The following AHRR variants were observed in gnomAD, a reference collection of about 807,000 sequenced individuals.
AHRR encodes ahR repressor.
Under a neutral mutation model 44.0 loss-of-function variants are expected in AHRR, and 28 were observed. That is an observed-to-expected ratio of 0.64 (90% CI 0.47 to 0.87). The LOEUF (loss-of-function observed/expected upper bound fraction) is 0.87. AHRR is among the 40% of genes least tolerant of loss of function. AHRR has a pLI of 0.00. For synonymous variants in AHRR, 434 were observed against 407.0 expected (o/e 1.07, Z -0.80); for missense variants, 990 against 953.9 (o/e 1.04, Z -0.50).
chr5:361,126 G>A (rs184531752), intron 3 of AHRR, among the ~76,000 whole-genome samples: 1 of 152,340 alleles, frequency 6.6e-6, no homozygotes, highest in African/African-American at 2.4e-5. Flanking sequence ...GTGGGCGTCT[G>A]TAATCACAGC....
At chr5:421,183 G>T in intron 5 of AHRR, 1 of 618,682 alleles carries the variant, frequency 1.6e-6, no homozygotes, top group Non-Finnish European at 2.9e-6. Context: ...CCCGGCTGGT[G>T]CCGGGCAGGA....
At chr5:376,523 G>A (rs1291782892) in intron 3 of AHRR, 87 bp from the exon 4 acceptor site, 37 of 1,407,308 alleles carry the variant, frequency 2.6e-5, no homozygotes, top group Middle Eastern at 1.8e-4. Flanking sequence ...TGGGGTGAAC[G>A]CGGGGAAACA....
chr5:416,240 G>A (rs753700167), intron 5 of AHRR, among the ~76,000 whole-genome samples: 22 of 152,238 alleles, frequency 1.4e-4, no homozygotes, highest in South Asian at 2.1e-4. Context: ...TGTTGGGAAC[G>A]CAGTGCAGGG....
At chr5:386,696 T>C (rs1734179943) in intron 4 of AHRR, among the ~76,000 whole-genome samples, 2 of 152,230 alleles carry the variant, frequency 1.3e-5, no homozygotes, top group South Asian at 4.1e-4. Context: ...GGAATGTGTT[T>C]GTGTTGTTGG....
chr5:354,984 G>A (rs74605972), intron 3 of AHRR, among the ~76,000 whole-genome samples: 10,429 of 152,304 alleles, frequency 0.068, 554 homozygotes, highest in Non-Finnish European at 0.091. Context: ...CCCGGGTCCC[G>A]GCTGGCCGCA....
chr5:376,466 C>A, intron 3 of AHRR, 144 bp from the exon 4 acceptor site: 1 of 14,922 alleles, frequency 6.7e-5, no homozygotes, highest in Admixed American at 3.2e-3. Flanking sequence ...GCTGCGTGGC[C>A]TGCAGAGGGG....
chr5:421,378 AC>A, intron 5 of AHRR: 1 of 615,402 alleles, frequency 1.6e-6, no homozygotes, highest in Non-Finnish European at 2.9e-6. Flanking sequence ...CGCGCACAGT[AC>A]CAGCCCCCAC....
chr5:403,793 C>T (rs1449748557), intron 4 of AHRR: 3 of 1,538,294 alleles, frequency 2.0e-6, no homozygotes, highest in African/African-American at 2.7e-5. Flanking sequence ...GGGTCTCTTT[C>T]CTGGGTCTCT....
rs1735158098 is a variant in AHRR at position 404,207 on chromosome 5, T to C, written c.352-9137T>C. ...TGGTCTTCTGCAGCCTTTGAACCCG[T>C]CGCAGCTCTCGCTCATCCATGAGTC... is the stretch of plus-strand genomic sequence containing the variant. On this transcript the variant is annotated intron_variant, in intron 4 of 10. Coordinates refer to ENST00000684583, the MANE Select transcript of AHRR (RefSeq NM_001377236.1). This position sits in a 1 kb window ranked among gnomAD's most constrained non-coding sequence, Gnocchi z 4.1. 1 of 523,726 alleles carries C rather than the reference T, an allele frequency of 1.9e-6. No individual in the cohort carries two copies. Among genetic ancestry groups the C allele is most frequent in the Non-Finnish European group, 3.7e-6 (1 of 267,878 alleles). The allele number at this position is 523,726 out of a possible 1,614,324, so 32.4% of individuals were successfully genotyped here.
chr5:346,541 AC>A (rs1274874654), intron 2 of AHRR, among the ~76,000 whole-genome samples: 5 of 152,174 alleles, frequency 3.3e-5, no homozygotes, highest in Non-Finnish European at 5.9e-5. Context: ...TACGTCTGCT[AC>A]CCAAATCTCT....
intron 4 of AHRR, among the ~76,000 whole-genome samples, chr5:391,667 T>C (rs113494872): frequency 2.2e-4 from 4 of 18,402 alleles, no homozygotes; most frequent in South Asian, 2.3e-3. Context: ...AGAGCGTGCA[T>C]GGGGGCAGGG....
At chr5:417,574 G>A (rs181450233) in intron 5 of AHRR, among the ~76,000 whole-genome samples, 8 of 152,314 alleles carry the variant, frequency 5.3e-5, no homozygotes, top group Admixed American at 2.0e-4. Flanking sequence ...ACCCAGAGCC[G>A]CTGCCTTTAG....
chr5:334,429 T>C lies in AHRR; in HGVS notation c.-10-9464T>C, dbSNP rs182867373. On this transcript the variant is annotated intron_variant, in intron 1 of 10. Transcript: ENST00000684583. Reference sequence around the variant, plus strand: ...CTTTCTCATTCTTTTTGCTTTGTTTTTGTTTGATTGGATAGTTTCAAAAAG... The same window carrying C: ...CTTTCTCATTCTTTTTGCTTTGTTTCTGTTTGATTGGATAGTTTCAAAAAG... 2.3e-4 allele frequency among the ~76,000 whole-genome samples: 35 copies of C among 152,228 alleles called. No individual in the cohort carries two copies. The East Asian group carries it at 4.2e-3, about 18-fold the overall frequency.
At chr5:421,198 C>G (rs1736096267) in intron 5 of AHRR, 2 of 664,496 alleles carry the variant, frequency 3.0e-6, no homozygotes, top group Non-Finnish European at 5.4e-6. Context: ...GCAGGAGGCC[C>G]TTGCGGACCC....
intron 3 of AHRR, among the ~76,000 whole-genome samples, chr5:367,452 C>G (rs1166843133): frequency 6.6e-6 from 1 of 152,256 alleles, no homozygotes; most frequent in Non-Finnish European, 1.5e-5. Context: ...GCCCCACAGA[C>G]ACGGGTCTGA....
At chr5:426,847 A>C in intron 7 of AHRR, among the ~76,000 whole-genome samples, 1 of 123,598 alleles carries the variant, frequency 8.1e-6, no homozygotes, top group African/African-American at 3.1e-5. Context: ...AAACATGGAT[A>C]GATGGATGGA....
In AHRR at chr5:353,760, C is replaced by G; in HGVS notation, c.93C>G (p.Asn31Lys). 1 of 1,612,624 alleles carries G rather than the reference C, an allele frequency of 6.2e-7. No individual in the cohort carries two copies. The highest frequency in any genetic ancestry group is 8.5e-7 in the Non-Finnish European group (1 of 1,179,766). The part of the protein sequence containing the change: ...QRPAVGAEKS[N>K]PSKRHRDRLN... ...CCGCCGTGGGGGCAGAGAAGTCCAA[C>G]CCCTCCAAGCGACACCGGGACCGCC... The change falls in exon 3 of 11, where the codon AAC (asparagine) becomes AAG (lysine). Residue 31 changes from asparagine to lysine, a missense_variant. Asn to Lys is a moderately conservative substitution (Grantham distance 94, BLOSUM62 0). Transcript: ENST00000684583.
rs1181033205 is a variant in AHRR, at chr5:436,754, G to A, written c.*1920G>A. ...TCCCTTATCTGATGCCTAAAGTCAC[G>A]ATGGGGACAGAGCTACCCAGGGGCC... On this transcript the variant is annotated 3_prime_UTR_variant, in exon 11 of 11. Coordinates refer to ENST00000684583, the MANE Select transcript of AHRR (RefSeq NM_001377236.1). 6.6e-6 allele frequency: 1 copy of A among 152,468 alleles called. No individual in the cohort carries two copies. Among genetic ancestry groups the A allele is most frequent in the Non-Finnish European group, 1.5e-5 (1 of 68,162 alleles). 9.4% of individuals were successfully genotyped at this position (152,468 alleles called of 1,614,324 possible).
chr5:378,298 C>T (rs2721012), intron 4 of AHRR, among the ~76,000 whole-genome samples: 29 of 152,286 alleles, frequency 1.9e-4, no homozygotes, highest in African/African-American at 6.5e-4. Flanking sequence ...ATCCATAAAC[C>T]GCCTTGAGCC....
Sources: allele counts gnomAD v4.1 joint callset (sites outside exome capture counted in the v4.1 genomes callset), GRCh38; gene constraint gnomAD v4.1.1; non-coding constraint Gnocchi (gnomAD v3.1); transcripts MANE v1.5; gene names NCBI Gene and HGNC (gene_info 2026-07-23, HGNC 2026-07-21).